Variants in IPO13 observed in about 807,000 individuals in gnomAD.
IPO13 encodes importin-13.
Under a neutral mutation model 115.5 loss-of-function variants are expected in IPO13, and 28 were observed. The observed-to-expected ratio is 0.24, with a 90% CI of 0.18 to 0.33. The LOEUF is 0.33. Ranked by LOEUF, IPO13 falls within the 10% of genes least tolerant of loss-of-function variation. The pLI, the probability that IPO13 is intolerant of heterozygous loss-of-function variation, is 1.00. For synonymous variants in IPO13, 414 were observed against 478.9 expected, an observed-to-expected ratio of 0.86 and a Z score of 1.77; for missense variants, 785 against 1,204.6, an observed-to-expected ratio of 0.65 and a Z score of 5.16.
chr1:43,957,320 C>T lies in IPO13; in HGVS notation c.1392+5C>T. Reference sequence around the variant, plus strand: ...GAGGAGCCCTACTCCTGGCAGGTACCTCCCAAGCCTGATTCCCTCAGCCTT... The same window carrying T: ...GAGGAGCCCTACTCCTGGCAGGTACTTCCCAAGCCTGATTCCCTCAGCCTT... On this transcript the variant is annotated splice_donor_5th_base_variant and intron_variant, in intron 6 of 19. Transcript: ENST00000372343. The T allele has an allele frequency of 6.2e-7, 1 of 1,613,570 alleles. No homozygotes were observed. The highest frequency in any genetic ancestry group is 8.5e-7 in the Non-Finnish European group (1 of 1,179,610).
Position 43,956,214 on chromosome 1 carries a change from G to A in IPO13, c.822-106G>A, listed in dbSNP as rs1045639618. The A allele has an allele frequency of 6.1e-6, 8 of 1,303,842 alleles. No homozygotes were observed. Among genetic ancestry groups the A allele is most frequent in the South Asian group, 5.5e-5 (4 of 72,170 alleles). The allele number at this position is 1,303,842 out of a possible 1,614,324, so 80.8% of individuals were successfully genotyped here. A position where few individuals can be genotyped will look rare whatever the true frequency, so the allele number is the denominator to read the frequency against. On this transcript the variant is annotated intron_variant, in intron 2 of 19. Transcript: ENST00000372343. This position sits in a 1 kb window ranked among gnomAD's most constrained non-coding sequence, Gnocchi z 4.7. ...CCTTTTTTTGCTTAGGATTTGATAA[G>A]GGAAGGGGAGCTTTGATGGAAGACA...
chr1:43,958,600 G>A lies in IPO13; in HGVS notation c.1884+5G>A. On this transcript the variant is annotated splice_donor_5th_base_variant and intron_variant, in intron 10 of 19. Transcript: ENST00000372343. The surrounding 1 kb of genome is among the most constrained non-coding windows in gnomAD (Gnocchi z 6.3). ...GAGAAGCTGGCAGAGGAGATAGTGA[G>A]TGAGCTCTGGGGGCCAGGGAGCGGT... is the stretch of plus-strand genomic sequence containing the variant. 6.2e-7 allele frequency: 1 copy of A among 1,614,080 alleles called. No individual in the cohort carries two copies. The highest frequency in any genetic ancestry group is 8.5e-7 in the Non-Finnish European group (1 of 1,180,028).
chr1:43,964,181 C>A, intron 14 of IPO13, 88 bp from the exon 15 acceptor site: 1 of 872,624 alleles, frequency 1.1e-6, no homozygotes, highest in South Asian at 1.4e-5. Flanking sequence ...CGCTGTCTCC[C>A]TGCAGGCTCT....
chr1:43,966,898 G>A lies in IPO13; in HGVS notation c.2524-32G>A. On this transcript the variant is annotated intron_variant, in intron 17 of 19. Coordinates refer to ENST00000372343, the MANE Select transcript of IPO13 (RefSeq NM_014652.4). The surrounding 1 kb of genome is among the most constrained non-coding windows in gnomAD (Gnocchi z 4.1). ...TGTCCTCAGGGAGAGCTGGGAAGGAGCTGGGCTGATGGGCCTCTCCATCCT... is the reference window on the plus strand; with the variant it reads ...TGTCCTCAGGGAGAGCTGGGAAGGAACTGGGCTGATGGGCCTCTCCATCCT... 6.2e-7 allele frequency: 1 copy of A among 1,611,482 alleles called. No individual in the cohort carries two copies. Among genetic ancestry groups the A allele is most frequent in the Non-Finnish European group, 8.5e-7 (1 of 1,177,996 alleles).
chr1:43,956,545 T>C lies in IPO13; in HGVS notation c.963-15T>C, dbSNP rs1028419063. The stretch of plus-strand genomic sequence containing the variant: ...AAGTCCCTGGAAAGGTAGAATGACC[T>C]GACTCTCTCCCCAGGGCCTTGCTGG... On this transcript the variant is annotated splice_polypyrimidine_tract_variant and intron_variant, in intron 3 of 19. Coordinates refer to ENST00000372343, the MANE Select transcript of IPO13 (RefSeq NM_014652.4). The surrounding 1 kb of genome is among the most constrained non-coding windows in gnomAD (Gnocchi z 4.7). 1.9e-6 allele frequency: 3 copies of C among 1,614,036 alleles called. No homozygotes were observed. Among genetic ancestry groups the C allele is most frequent in the African/African-American group, 2.7e-5 (2 of 74,938 alleles).
rs1036255264 is a variant in IPO13, at chr1:43,949,627, G to C, written c.295G>C (p.Glu99Gln). 6.2e-7 allele frequency: 1 copy of C among 1,614,240 alleles called. No homozygotes were observed. The highest frequency in any genetic ancestry group is 1.3e-5 in the African/African-American group (1 of 75,072). Residue 99 changes from glutamate (E) to glutamine (Q), a missense_variant, in exon 2 of 20, where the codon GAA becomes CAA. Coordinates refer to ENST00000372343, the MANE Select transcript of IPO13 (RefSeq NM_014652.4). ...GAGTGACATCCCCACTGACCAGTAT[G>C]AAAGCCTAAAGGCACAGCTCTTCAC... The part of the protein sequence containing the change: ...YWSDIPTDQY[E>Q]SLKAQLFTQI...
rs781725804 is a variant in IPO13, at chr1:43,967,605, C to T, written c.2815C>T (p.Arg939Trp). 31 of 1,614,068 alleles carry T rather than the reference C, an allele frequency of 1.9e-5. No homozygotes were observed. The highest frequency in any genetic ancestry group is 6.7e-5 in the Admixed American group (4 of 60,014). The stretch of plus-strand genomic sequence containing the variant: ...CTTCAGCGAGCGAGTGAACAAGAGG[C>T]GGGTGAAGGAGATGGTGAAGGAGTT... The part of the protein sequence containing the change: ...QILRERVNKR[R>W]VKEMVKEFTL... Residue 939 changes from arginine to tryptophan, a missense_variant, in exon 20 of 20, where the codon CGG becomes TGG. Coordinates refer to ENST00000372343, the MANE Select transcript of IPO13 (RefSeq NM_014652.4). The surrounding 1 kb of genome is among the most constrained non-coding windows in gnomAD (Gnocchi z 6.1).
Position 43,967,296 on chromosome 1 carries a change from G to C in IPO13, c.2614-19G>C. ...GGAAGGGGCAACACCCTGGTGTGCT[G>C]AGAACCCCTCTCCCTCAGGCCATTG... On this transcript the variant is annotated intron_variant, in intron 18 of 19. Transcript: ENST00000372343. The surrounding 1 kb of genome is among the most constrained non-coding windows in gnomAD (Gnocchi z 6.1). 6.2e-7 allele frequency: 1 copy of C among 1,608,708 alleles called. No individual in the cohort carries two copies. The highest frequency in any genetic ancestry group is 1.7e-4 in the Middle Eastern group (1 of 5,888).
At position 43,964,029 on chromosome 1, in the gene IPO13, G is replaced by A. The variant is rs560424148; in HGVS notation, c.2345-240G>A. ...GAGGGGATGGCCTGAGGAGGAGTGG[G>A]GAGTAGGCGGAAGGCCCCTTGGAGG... On this transcript the variant is annotated intron_variant, in intron 14 of 19. Coordinates refer to ENST00000372343, the MANE Select transcript of IPO13 (RefSeq NM_014652.4). Among the ~76,000 whole-genome samples, 10 of 152,350 alleles carry A rather than the reference G, an allele frequency of 6.6e-5. No homozygotes were observed. The South Asian group carries it at 1.2e-3, about 19-fold the overall frequency.
rs972467010 is a variant in IPO13 at position 43,952,239 on chromosome 1, G to A, written c.821+2086G>A. On this transcript the variant is annotated intron_variant, in intron 2 of 19. Coordinates refer to ENST00000372343, the MANE Select transcript of IPO13 (RefSeq NM_014652.4). The surrounding 1 kb of genome is among the most constrained non-coding windows in gnomAD (Gnocchi z 4.7). The stretch of plus-strand genomic sequence containing the variant: ...GGCTGGTGTGCAGTGGCACAATCTC[G>A]GCTCACTGCAACCTCCGCCTCCCGG... 1.3e-5 allele frequency among the ~76,000 whole-genome samples: 2 copies of A among 152,150 alleles called. No individual in the cohort carries two copies. The highest frequency in any genetic ancestry group is 4.8e-5 in the African/African-American group (2 of 41,412).
Position 43,967,544 on chromosome 1 carries a change from G to C in IPO13, c.2796-42G>C. On this transcript the variant is annotated intron_variant, in intron 19 of 19. Transcript: ENST00000372343. The surrounding 1 kb of genome is among the most constrained non-coding windows in gnomAD (Gnocchi z 6.1). ...TGGGGTCAGGCAGAGAGGGGGCAGT[G>C]GTGGTGGCTGGTGCTAACCTGCTCT... The C allele has an allele frequency of 6.2e-7, 1 of 1,614,092 alleles. No individual in the cohort carries two copies. The highest frequency in any genetic ancestry group is 1.1e-5 in the South Asian group (1 of 91,084).
Position 43,946,979 on chromosome 1 carries a change from C to T in IPO13, c.-622C>T. On this transcript the variant is annotated 5_prime_UTR_variant, in exon 1 of 20. Transcript: ENST00000372343. The stretch of plus-strand genomic sequence containing the variant: ...GTCTTGTCAGTCACTGGGGCGGAGG[C>T]AGCGGCTGTAGCGGGGCTGTAGCCG... 2.5e-6 allele frequency: 1 copy of T among 396,342 alleles called. No homozygotes were observed. Among genetic ancestry groups the T allele is most frequent in the Non-Finnish European group, 4.5e-6 (1 of 224,280 alleles). The allele number at this position is 396,342 out of a possible 1,614,324, so 24.6% of individuals were successfully genotyped here.
chr1:43,964,573 G>A (rs966063894), intron 15 of IPO13, among the ~76,000 whole-genome samples: 3 of 152,172 alleles, frequency 2.0e-5, no homozygotes, highest in South Asian at 2.1e-4. Context: ...AGCTGGGCTG[G>A]CATCGGGTGG....
At chr1:43,949,312 G>C in intron 1 of IPO13, 105 bp from the exon 2 acceptor site, 1 of 1,257,130 alleles carries the variant, frequency 8.0e-7, no homozygotes, top group Admixed American at 2.7e-5. Flanking sequence ...CAGCCCCCCA[G>C]TCAGGGAGAG....
chr1:43,950,164 AC>A lies in IPO13; in HGVS notation c.821+14del, dbSNP rs1234980535. On this transcript the variant is annotated intron_variant, in intron 2 of 19. Coordinates refer to ENST00000372343, the MANE Select transcript of IPO13 (RefSeq NM_014652.4). The stretch of plus-strand genomic sequence containing the variant: ...GCCTGATGCCCAGAGGTGAGCTAGT[AC>A]CCACTCACCCAGAAGACAACCTCTT... 1.3e-6 allele frequency: 2 copies of A among 1,586,708 alleles called. No homozygotes were observed.
intron 1 of IPO13, 114 bp from the exon 2 acceptor site, chr1:43,949,303 A>G: frequency 8.8e-7 from 1 of 1,140,572 alleles, no homozygotes; most frequent in East Asian, 2.5e-5. Flanking sequence ...CTCCCTGCTC[A>G]GCCCCCCAGT....
chr1:43,965,444 G>A (rs1410018860), intron 15 of IPO13, among the ~76,000 whole-genome samples: 2 of 152,152 alleles, frequency 1.3e-5, no homozygotes, highest in Non-Finnish European at 2.9e-5. Flanking sequence ...AGGGTGGGAG[G>A]AGGGAAGAAT....
Position 43,950,835 on chromosome 1 carries a change from A to G in IPO13, c.821+682A>G, listed in dbSNP as rs188955969. Among the ~76,000 whole-genome samples the G allele has an allele frequency of 3.1e-3, 469 of 152,294 alleles. 6 individuals carry two copies. The highest frequency in any genetic ancestry group is 0.011 in the African/African-American group (446 of 41,532). Reference sequence around the variant, plus strand: ...CTTCATTTCCATAGGGAAGTCCTCCATGGATTCTTAAGGCTAAGTTTGATC... The same window carrying G: ...CTTCATTTCCATAGGGAAGTCCTCCGTGGATTCTTAAGGCTAAGTTTGATC... On this transcript the variant is annotated intron_variant, in intron 2 of 19. Coordinates refer to ENST00000372343, the MANE Select transcript of IPO13 (RefSeq NM_014652.4).
In IPO13 at chr1:43,956,257, T is replaced by C. The variant is rs2154302212; in HGVS notation, c.822-63T>C. ...GGAAGACAAGGAGATTATGCCTTTCTCTTAAAGCCAGTGTGGGGTTGAGCA... is the reference window on the plus strand; with the variant it reads ...GGAAGACAAGGAGATTATGCCTTTCCCTTAAAGCCAGTGTGGGGTTGAGCA... On this transcript the variant is annotated intron_variant, in intron 2 of 19. Coordinates refer to ENST00000372343, the MANE Select transcript of IPO13 (RefSeq NM_014652.4). This position sits in a 1 kb window ranked among gnomAD's most constrained non-coding sequence, Gnocchi z 4.7. The C allele has an allele frequency of 6.3e-7, 1 of 1,582,534 alleles. No homozygotes were observed. The highest frequency in any genetic ancestry group is 1.8e-4 in the Middle Eastern group (1 of 5,444).
Sources: gnomAD v4.1 joint callset for allele counts (sites outside exome capture counted in the v4.1 genomes callset) on GRCh38, gnomAD v4.1.1 for gene constraint, Gnocchi (gnomAD v3.1) non-coding constraint, MANE v1.5 for transcripts, NCBI Gene and HGNC (gene_info 2026-07-23, HGNC 2026-07-21) for gene names.